The following SHISA6 variants were observed in gnomAD, a reference collection of about 807,000 sequenced individuals.
The protein encoded by SHISA6 is protein shisa-6.
Under a neutral mutation model 47.9 loss-of-function variants are expected in SHISA6, and 22 were observed. The ratio of observed to expected loss-of-function variants is 0.46; its 90% CI spans 0.33 to 0.66. The LOEUF is 0.66. Ranked by LOEUF, SHISA6 falls within the 30% of genes least tolerant of loss-of-function variation. The pLI is 0.02. For missense variants in SHISA6, 680 were observed against 764.6 expected (o/e 0.89, Z 1.30); for synonymous variants, 388 against 337.8 (o/e 1.15, Z -1.63).
chr17:11,317,838 A>C (rs1484040558), intron 2 of SHISA6, among the ~76,000 whole-genome samples: 1 of 126,082 alleles, frequency 7.9e-6, no homozygotes. Flanking sequence ...TCTAGATATA[A>C]TTATTTTAAT....
chr17:11,515,923 G>T (rs972211229), intron 3 of SHISA6, among the ~76,000 whole-genome samples: 6 of 152,140 alleles, frequency 3.9e-5, no homozygotes, highest in African/African-American at 7.2e-5. Context: ...GAGCTTTGAA[G>T]CTTCCCTCGC....
chr17:11,459,474 G>A (rs1391080430), intron 3 of SHISA6, among the ~76,000 whole-genome samples: 2 of 152,150 alleles, frequency 1.3e-5, no homozygotes, highest in Non-Finnish European at 2.9e-5. Flanking sequence ...TGGCTCTTAT[G>A]CATCTCTGTG....
At position 11,467,879 on chromosome 17, in the gene SHISA6, G is replaced by GTGCA. The variant is rs1298221573; in HGVS notation, c.896-84016_896-84013dup. Among the ~76,000 whole-genome samples the GTGCA allele has an allele frequency of 2.6e-5, 4 of 152,232 alleles. No homozygotes were observed. In the East Asian group the frequency reaches 7.7e-4, roughly 29 times the overall value. ...CTTCTCCCTCTAGGCCTTCCAGTATGTGCAGCAAACATCCTTGTTCTTGTT... is the reference window on the plus strand; with the variant it reads ...CTTCTCCCTCTAGGCCTTCCAGTATGTGCATGCAGCAAACATCCTTGTTCTTGTT... On this transcript the variant is annotated intron_variant, in intron 3 of 5. Transcript: ENST00000441885.
chr17:11,311,868 C>G (rs112420262), intron 2 of SHISA6, among the ~76,000 whole-genome samples: 6 of 151,818 alleles, frequency 4.0e-5, no homozygotes. Context: ...CTCCGTCTGC[C>G]GGGTTCAAGC....
chr17:11,403,860 C>T (rs1293220085), intron 3 of SHISA6, among the ~76,000 whole-genome samples: 1 of 152,186 alleles, frequency 6.6e-6, no homozygotes, highest in African/African-American at 2.4e-5. Flanking sequence ...GGTGGTGTTC[C>T]TCAGAGACCT....
At chr17:11,497,383 G>C (rs1020131646) in intron 3 of SHISA6, among the ~76,000 whole-genome samples, 2 of 152,038 alleles carry the variant, frequency 1.3e-5, no homozygotes, top group Non-Finnish European at 2.9e-5. Context: ...GGAGAAAGAG[G>C]GGCTGTGGCA....
chr17:11,361,862 CA>C (rs1912298998), intron 2 of SHISA6, among the ~76,000 whole-genome samples: 1 of 152,136 alleles, frequency 6.6e-6, no homozygotes, highest in African/African-American at 2.4e-5. Context: ...CCAATAATAA[CA>C]ACAGAGGCGG....
chr17:11,476,610 G>A (rs1916057969), intron 3 of SHISA6, among the ~76,000 whole-genome samples: 1 of 151,602 alleles, frequency 6.6e-6, no homozygotes, highest in South Asian at 2.1e-4. Context: ...TTGATTTCAA[G>A]TTTAATTCCA....
intron 3 of SHISA6, among the ~76,000 whole-genome samples, chr17:11,391,202 A>G (rs976647369): frequency 4.6e-5 from 7 of 152,188 alleles, no homozygotes; most frequent in Admixed American, 3.3e-4. Flanking sequence ...TCATGGGACC[A>G]TAAGCCAACT....
Position 11,241,954 on chromosome 17 carries a change from G to T in SHISA6, c.532G>T (p.Val178Phe). 1 of 1,550,906 alleles carries T rather than the reference G, an allele frequency of 6.4e-7. No individual in the cohort carries two copies. Among genetic ancestry groups the T allele is most frequent in the Non-Finnish European group, 8.7e-7 (1 of 1,147,028 alleles). Residue 178 changes from valine (V) to phenylalanine (F), a missense_variant, in exon 1 of 6, where the codon GTC becomes TTC. By Grantham distance (50) the Val-to-Phe change is conservative. Around this residue, in one of 2 missense-constraint regions of SHISA6, gnomAD observed 559 missense variants for 674.1 expected, o/e 0.83. Transcript: ENST00000441885. The surrounding 1 kb of genome is among the most constrained non-coding windows in gnomAD (Gnocchi z 5.5). ...GGAGAAGGACAAGACCAACTTCACC[G>T]TCTACATCACCTGCGGGGTGATCGC... ...DPEKDKTNFT[V>F]YITCGVIAFV...
chr17:11,372,217 G>A (rs373834637), intron 2 of SHISA6, among the ~76,000 whole-genome samples: 386 of 152,248 alleles, frequency 2.5e-3, no homozygotes, highest in Non-Finnish European at 4.1e-3. Flanking sequence ...GAAACTATTT[G>A]CAATGAATCC....
intron 3 of SHISA6, among the ~76,000 whole-genome samples, chr17:11,485,057 C>T (rs1415212324): frequency 6.6e-6 from 1 of 152,124 alleles, no homozygotes; most frequent in Non-Finnish European, 1.5e-5. Flanking sequence ...TTCAAATATC[C>T]CCCTAATTTT....
At chr17:11,349,539 T>C (rs1025524551) in intron 2 of SHISA6, among the ~76,000 whole-genome samples, 15 of 152,208 alleles carry the variant, frequency 9.9e-5, no homozygotes, top group African/African-American at 3.6e-4. Context: ...TCAACACTTT[T>C]GAAGATAACT....
intron 3 of SHISA6, among the ~76,000 whole-genome samples, chr17:11,468,062 C>T (rs1175633067): frequency 6.6e-6 from 1 of 152,022 alleles, no homozygotes; most frequent in East Asian, 1.9e-4. Flanking sequence ...TTTTAATTTT[C>T]CTAATTCAAC....
intron 2 of SHISA6, among the ~76,000 whole-genome samples, chr17:11,292,864 G>C (rs1909602107): frequency 7.3e-6 from 1 of 136,056 alleles, no homozygotes; most frequent in South Asian, 2.3e-4. Flanking sequence ...TGCGCTTATT[G>C]CCCAGGCTGG....
intron 3 of SHISA6, among the ~76,000 whole-genome samples, chr17:11,469,131 A>T (rs1915879291): frequency 6.6e-6 from 1 of 152,052 alleles, no homozygotes; most frequent in Admixed American, 6.6e-5. Context: ...TGGTAGCAAA[A>T]TAATGGCCCC....
chr17:11,272,493 A>G (rs980081773), intron 2 of SHISA6, among the ~76,000 whole-genome samples: 2 of 152,132 alleles, frequency 1.3e-5, no homozygotes, highest in Non-Finnish European at 2.9e-5. Context: ...CTCTGCCTTC[A>G]CTAGCTGGAA....
chr17:11,289,239 A>T (rs1408119397), intron 2 of SHISA6: 1 of 151,950 alleles, frequency 6.6e-6, no homozygotes, highest in African/African-American at 2.4e-5. Flanking sequence ...ATTAGCATTG[A>T]TATAGTTGTC....
intron 2 of SHISA6, among the ~76,000 whole-genome samples, chr17:11,338,856 A>G (rs1227412463): frequency 6.6e-6 from 1 of 152,240 alleles, no homozygotes; most frequent in African/African-American, 2.4e-5. Flanking sequence ...CATGAAAAAG[A>G]TGTTGCACTG....
Sources: allele counts gnomAD v4.1 joint callset (sites outside exome capture counted in the v4.1 genomes callset), GRCh38; gene constraint gnomAD v4.1.1; regional missense constraint gnomAD v4.1.1; non-coding constraint Gnocchi (gnomAD v3.1); transcripts MANE v1.5; gene names NCBI Gene and HGNC (gene_info 2026-07-23, HGNC 2026-07-21).